Variants in LARS1 observed in about 807,000 individuals in gnomAD.
The protein encoded by LARS1 is leucyl-tRNA synthetase 1, also known as leucine--tRNA ligase, cytoplasmic.
A neutral mutation model predicts 162.8 loss-of-function variants in LARS1; 100 were observed. The ratio of observed to expected loss-of-function variants is 0.61; its 90% CI spans 0.52 to 0.73. LARS1 has a LOEUF of 0.73. Ranked by LOEUF, LARS1 falls within the 30% of genes least tolerant of loss-of-function variation. The pLI, the probability that LARS1 is intolerant of heterozygous loss-of-function variation, is 0.00. For synonymous variants in LARS1, 457 were observed against 462.8 expected, an observed-to-expected ratio of 0.99 and a Z score of 0.16; for missense variants, 1,258 against 1,408.9, an observed-to-expected ratio of 0.89 and a Z score of 1.71.
chr5:146,143,169 T>A (rs1479741317), intron 19 of LARS1, 85 bp from the exon 20 acceptor site: 1 of 841,698 alleles, frequency 1.2e-6, no homozygotes, highest in Non-Finnish European at 1.7e-6. Flanking sequence ...GAAACATGGA[T>A]TAGGAATCTC....
intron 14 of LARS1, among the ~76,000 whole-genome samples, chr5:146,151,123 A>AC (rs1753269477): frequency 6.6e-6 from 1 of 152,180 alleles, no homozygotes. Flanking sequence ...AAGAGTGCCT[A>AC]CTTCAGAATG....
chr5:146,159,564 T>G, intron 7 of LARS1, 94 bp from the exon 8 acceptor site: 1 of 853,952 alleles, frequency 1.2e-6, no homozygotes, highest in Non-Finnish European at 1.9e-6. Flanking sequence ...CTTACATGTC[T>G]TGCAACTAGA....
chr5:146,119,927 A>G (rs1343393466), intron 31 of LARS1, among the ~76,000 whole-genome samples: 1 of 152,174 alleles, frequency 6.6e-6, no homozygotes, highest in Non-Finnish European at 1.5e-5. Context: ...TAGAACTGTA[A>G]AAGGATTAAA....
Position 146,168,147 on chromosome 5 carries a change from T to G in LARS1, c.413A>C (p.Asp138Ala), listed in dbSNP as rs755303198. 60 of 1,606,084 alleles carry G rather than the reference T, an allele frequency of 3.7e-5. No homozygotes were observed. The highest frequency in any genetic ancestry group is 4.9e-5 in the Non-Finnish European group (57 of 1,175,064). The change falls in exon 5 of 32, where the codon GAT becomes GCT. Residue 138 changes from aspartate to alanine, a missense_variant. Coordinates refer to ENST00000394434, the MANE Select transcript of LARS1 (RefSeq NM_020117.11). ...SVKTEDIIIK[D>A]KAKGKKSKAA... ...TCAAACCTTTTTTCCTTTAGCTTTA[T>G]CCTTAATTATTATATCTTCTGTTTT...
In LARS1 at chr5:146,177,802, A is replaced by T. The variant is rs1034567505; in HGVS notation, c.7-137T>A. 8 of 456,098 alleles carry T rather than the reference A, an allele frequency of 1.8e-5. No individual in the cohort carries two copies. In the South Asian group the frequency reaches 2.0e-4, roughly 11 times the overall value. The allele number at this position is 456,098 out of a possible 1,614,324, so 28.3% of individuals were successfully genotyped here. A position where few individuals can be genotyped will look rare whatever the true frequency, so the allele number is the denominator to read the frequency against. On this transcript the variant is annotated intron_variant, in intron 1 of 31. Coordinates refer to ENST00000394434, the MANE Select transcript of LARS1 (RefSeq NM_020117.11). ...TTATCTTGAAATTTAAATGAACATTAAAAATTAGGGTTATCAGCCAGGCGC... is the reference window on the plus strand; with the variant it reads ...TTATCTTGAAATTTAAATGAACATTTAAAATTAGGGTTATCAGCCAGGCGC...
intron 4 of LARS1, among the ~76,000 whole-genome samples, chr5:146,170,200 G>C (rs35262581): frequency 0.22 from 33,890 of 152,066 alleles, 4,835 homozygotes; most frequent in Admixed American, 0.34. Flanking sequence ...GGCATAGTGG[G>C]TCAAGCCTGT....
At chr5:146,167,934 T>G (rs948046555) in intron 5 of LARS1, among the ~76,000 whole-genome samples, 194 bp downstream of exon 5, 1 of 152,216 alleles carries the variant, frequency 6.6e-6, no homozygotes, top group Admixed American at 6.5e-5. Flanking sequence ...TCTGCCTGCC[T>G]CGGCCTCCCA....
chr5:146,132,586 C>G (rs1012811068), intron 23 of LARS1: 7 of 198,884 alleles, frequency 3.5e-5, no homozygotes, highest in South Asian at 1.7e-4. Flanking sequence ...AAGTTCATAT[C>G]CCAAGTTTGC....
chr5:146,114,908 G>T (rs1412210192), intron 31 of LARS1, among the ~76,000 whole-genome samples: 3 of 152,050 alleles, frequency 2.0e-5, no homozygotes, highest in East Asian at 3.9e-4. Flanking sequence ...GCCGGGCATG[G>T]TGGTGCATGC....
chr5:146,147,156 G>C (rs1753047579), intron 15 of LARS1, among the ~76,000 whole-genome samples: 1 of 152,180 alleles, frequency 6.6e-6, no homozygotes, highest in Non-Finnish European at 1.5e-5. Flanking sequence ...GAAGCCTAGT[G>C]ACAAGTCCTA....
rs144152620 is a variant in LARS1 at position 146,144,081 on chromosome 5, G to C, written c.1738+186C>G. Among the ~76,000 whole-genome samples, 185 of 152,260 alleles carry C rather than the reference G, an allele frequency of 1.2e-3. 2 individuals are homozygous for C. Among genetic ancestry groups the C allele is most frequent in the African/African-American group, 4.4e-3 (181 of 41,544 alleles). On this transcript the variant is annotated intron_variant, in intron 18 of 31. Coordinates refer to ENST00000394434, the MANE Select transcript of LARS1 (RefSeq NM_020117.11). Reference sequence around the variant, plus strand: ...TCACACCACAAAATCTATATAGAGAGGGCATATTTCTACCACACAGTAGAT... The same window carrying C: ...TCACACCACAAAATCTATATAGAGACGGCATATTTCTACCACACAGTAGAT...
intron 15 of LARS1, among the ~76,000 whole-genome samples, chr5:146,149,063 G>A (rs1375739712): frequency 2.6e-5 from 4 of 151,604 alleles, no homozygotes; most frequent in Non-Finnish European, 2.9e-5. Context: ...TAACAAGAGC[G>A]AAACTCCATC....
At chr5:146,171,099 G>A (rs1318838867) in intron 4 of LARS1, among the ~76,000 whole-genome samples, 1 of 152,004 alleles carries the variant, frequency 6.6e-6, no homozygotes, top group African/African-American at 2.4e-5. Flanking sequence ...GCTCACGCTT[G>A]TAATCCCAGC....
intron 4 of LARS1, among the ~76,000 whole-genome samples, 197 bp from the exon 5 acceptor site, chr5:146,168,462 C>T (rs912748395): frequency 2.6e-5 from 4 of 152,168 alleles, no homozygotes; most frequent in Non-Finnish European, 4.4e-5. Context: ...CCTTGGGAGG[C>T]TGAGGCAGGC....
At position 146,129,063 on chromosome 5, in the gene LARS1, A is replaced by G. The variant is rs1321702978; in HGVS notation, c.2684T>C (p.Leu895Ser). ...CATAAGATACTGTGAGGAGTGTATT[A>G]AAACTTCATTAACAGGACCTGCCAC... is the stretch of plus-strand genomic sequence containing the variant. ...WPVAGPVNEVLIHSSQYLMEV... is the reference protein window; with the variant it reads ...WPVAGPVNEVSIHSSQYLMEV... Residue 895 changes from leucine to serine, a missense_variant, in exon 26 of 32, where the codon TTA becomes TCA. Physicochemically the swap from Leu to Ser is moderately radical, Grantham distance 145 (BLOSUM62 -2). Coordinates refer to ENST00000394434, the MANE Select transcript of LARS1 (RefSeq NM_020117.11). 1.9e-6 allele frequency: 3 copies of G among 1,611,180 alleles called. 1 individual carries two copies. The South Asian group carries it at 3.3e-5, about 18-fold the overall frequency.
At chr5:146,155,502 T>C (rs963363837) in intron 10 of LARS1, among the ~76,000 whole-genome samples, 3 of 152,318 alleles carry the variant, frequency 2.0e-5, no homozygotes, top group African/African-American at 7.2e-5. Context: ...TAATTTCACT[T>C]GAAAAAATCC....
intron 22 of LARS1, among the ~76,000 whole-genome samples, chr5:146,134,659 C>G (rs558115020): frequency 6.6e-6 from 1 of 152,146 alleles, no homozygotes; most frequent in South Asian, 2.1e-4. Flanking sequence ...TTAGGAATAC[C>G]AAATACAGGC....
chr5:146,136,777 G>A (rs758104494), intron 21 of LARS1, among the ~76,000 whole-genome samples: 2 of 151,966 alleles, frequency 1.3e-5, no homozygotes, highest in African/African-American at 4.8e-5. Context: ...CACCGCACCC[G>A]GCCACAGATT....
At chr5:146,123,625 G>A (rs1003536548) in intron 29 of LARS1, among the ~76,000 whole-genome samples, 3 of 151,260 alleles carry the variant, frequency 2.0e-5, no homozygotes, top group African/African-American at 7.3e-5. Flanking sequence ...CAAAAGGGAG[G>A]GGGGAAAAAA....
Sources: gnomAD v4.1 joint callset for allele counts (sites outside exome capture counted in the v4.1 genomes callset) on GRCh38, gnomAD v4.1.1 for gene constraint, MANE v1.5 for transcripts, NCBI Gene and HGNC (gene_info 2026-07-23, HGNC 2026-07-21) for gene names.